DOCK5: variants seen among roughly 807,000 people sequenced by gnomAD.
DOCK5 encodes dedicator of cytokinesis 5, also known as dedicator of cytokinesis protein 5.
A neutral mutation model predicts 251.8 loss-of-function variants in DOCK5; 142 were observed. That is an observed-to-expected ratio of 0.56 (90% CI 0.49 to 0.65). The LOEUF is 0.65. Among genes scored for constraint, DOCK5 ranks in the 30% least tolerant of loss-of-function variants. The pLI is 0.00. For synonymous variants in DOCK5, 842 were observed against 835.5 expected (o/e 1.01, Z -0.13); for missense variants, 2,111 against 2,312.3 (o/e 0.91, Z 1.79).
chr8:25,299,697 A>G (rs548923749), intron 8 of DOCK5, among the ~76,000 whole-genome samples: 4 of 152,328 alleles, frequency 2.6e-5, no homozygotes, highest in African/African-American at 9.6e-5. Context: ...AAACTGCTCT[A>G]AGAAAATAAT....
chr8:25,279,832 C>G (rs1301432308), intron 5 of DOCK5, among the ~76,000 whole-genome samples: 2 of 151,178 alleles, frequency 1.3e-5, no homozygotes, highest in African/African-American at 4.9e-5. Flanking sequence ...ACCATGTTGG[C>G]CAGGCTGGTC....
intron 5 of DOCK5, among the ~76,000 whole-genome samples, chr8:25,287,393 T>C (rs1044472939): frequency 2.8e-4 from 43 of 152,154 alleles, no homozygotes; most frequent in African/African-American, 1.0e-3. Flanking sequence ...ACTACTGCAC[T>C]CCAGCTTGGG....
intron 1 of DOCK5, among the ~76,000 whole-genome samples, chr8:25,224,212 G>A (rs1409875284): frequency 1.3e-5 from 2 of 152,038 alleles, no homozygotes; most frequent in South Asian, 2.1e-4. Context: ...TCCGCCTCCC[G>A]AGTTCAAGTG....
chr8:25,345,114 A>G lies in DOCK5; in HGVS notation c.2618-361A>G, dbSNP rs188760300. On this transcript the variant is annotated intron_variant, in intron 25 of 51. Transcript: ENST00000276440. ...TAGGTGAAAAAATTTTTGAAAAAAA[A>G]AATGTATAACTTGCTTGGTTTTATT... is the stretch of plus-strand genomic sequence containing the variant. 1.5e-3 allele frequency among the ~76,000 whole-genome samples: 227 copies of G among 152,276 alleles called. 1 individual carries two copies. The highest frequency in any genetic ancestry group is 6.8e-3 in the Middle Eastern group (2 of 294).
At chr8:25,215,490 G>C (rs1166250613) in intron 1 of DOCK5, among the ~76,000 whole-genome samples, 1 of 152,050 alleles carries the variant, frequency 6.6e-6, no homozygotes, top group Non-Finnish European at 1.5e-5. Flanking sequence ...GGCCGAGTAA[G>C]GTCACTGGTG....
At chr8:25,358,537 A>C (rs1200151321) in intron 27 of DOCK5, among the ~76,000 whole-genome samples, 1 of 152,142 alleles carries the variant, frequency 6.6e-6, no homozygotes, top group African/African-American at 2.4e-5. Context: ...CCTCTCCTTC[A>C]TGCTCAGTGT....
chr8:25,253,772 A>G (rs78952246), intron 2 of DOCK5, among the ~76,000 whole-genome samples: 3,428 of 152,356 alleles, frequency 0.022, 153 homozygotes, highest in African/African-American at 0.078. Flanking sequence ...AATGGAAGCT[A>G]TCCCATGTTC....
At chr8:25,228,343 A>G (rs1055111895) in intron 1 of DOCK5, among the ~76,000 whole-genome samples, 3 of 152,182 alleles carry the variant, frequency 2.0e-5, no homozygotes, top group Admixed American at 6.5e-5. Flanking sequence ...TGTGTCCCCA[A>G]ATTGGGGCTT....
chr8:25,408,215 C>T, intron 49 of DOCK5, 61 bp downstream of exon 49: 1 of 1,480,168 alleles, frequency 6.8e-7, no homozygotes. Context: ...CCCCTGTACC[C>T]AGGCATATCA....
At chr8:25,376,002 G>A (rs1800956269) in intron 37 of DOCK5, 1 of 832,588 alleles carries the variant, frequency 1.2e-6, no homozygotes, top group Non-Finnish European at 1.4e-6. Context: ...GGAGGCTGAG[G>A]CAGGAGAATC....
intron 23 of DOCK5, among the ~76,000 whole-genome samples, chr8:25,341,443 C>A (rs1206841842): frequency 2.6e-5 from 4 of 152,032 alleles, no homozygotes; most frequent in Non-Finnish European, 5.9e-5. Context: ...TCTTTATGGC[C>A]ATGTTGCAAG....
chr8:25,332,822 T>G lies in DOCK5; in HGVS notation c.2091+130T>G, dbSNP rs1805713525. On this transcript the variant is annotated intron_variant, in intron 20 of 51. Transcript: ENST00000276440. ...TGTTTACATCTCTCTGGTTATTGTT[T>G]TAGGCTGAATTCCTAGAAGTACTAT... The G allele has an allele frequency of 5.9e-6, 4 of 676,176 alleles. No individual in the cohort carries two copies. The South Asian group carries it at 1.1e-4, about 18-fold the overall frequency. The allele number at this position is 676,176 out of a possible 1,614,324, so 41.9% of individuals were successfully genotyped here.
intron 1 of DOCK5, among the ~76,000 whole-genome samples, chr8:25,222,248 A>G (rs1331308638): frequency 6.6e-6 from 1 of 152,232 alleles, no homozygotes; most frequent in Non-Finnish European, 1.5e-5. Flanking sequence ...CTTTCTTTGA[A>G]TAATTCCAGT....
chr8:25,304,867 C>G (rs182091332), intron 11 of DOCK5: 52 of 152,648 alleles, frequency 3.4e-4, no homozygotes, highest in African/African-American at 1.2e-3. Flanking sequence ...CACCCATGGG[C>G]CAGTGTTCCT....
At chr8:25,387,616 A>G (rs1043359947) in intron 40 of DOCK5, among the ~76,000 whole-genome samples, 2 of 152,160 alleles carry the variant, frequency 1.3e-5, no homozygotes, top group Non-Finnish European at 2.9e-5. Context: ...TGCCTTCCAG[A>G]ACCTCCAGTG....
At chr8:25,273,067 G>A (rs11280660) in intron 3 of DOCK5, among the ~76,000 whole-genome samples, 3,944 of 105,536 alleles carry the variant, frequency 0.037, 80 homozygotes, top group South Asian at 0.083. Flanking sequence ...ATCATTTGCC[G>A]TGGCGCAGTG....
rs777436666 is a variant in DOCK5, at chr8:25,243,754, G to A, written c.124G>A (p.Glu42Lys). Reference protein sequence around the residue: ...GDTVHILEMYEGWYRGYTLQN... With the variant: ...GDTVHILEMYKGWYRGYTLQN... ...CACAGTTCACATCCTGGAGATGTAC[G>A]AGGGTAAGTCTGGCTGGCCTTCTGC... Residue 42 changes from glutamate to lysine, a missense_variant, in exon 2 of 52, where the codon GAG (glutamate) becomes AAG (lysine). Glu to Lys is a moderately conservative substitution (Grantham distance 56, BLOSUM62 1). This residue lies in a region of DOCK5 where 335 missense variants were observed against 324.9 expected (regional missense o/e 1.03). Transcript: ENST00000276440. 6 of 1,613,384 alleles carry A rather than the reference G, an allele frequency of 3.7e-6. No individual in the cohort carries two copies. The highest frequency in any genetic ancestry group is 3.3e-5 in the Admixed American group (2 of 59,976).
chr8:25,230,519 G>T (rs184806665), intron 1 of DOCK5, among the ~76,000 whole-genome samples: 221 of 152,168 alleles, frequency 1.5e-3, no homozygotes, highest in Non-Finnish European at 2.4e-3. Flanking sequence ...TGTCTAACTG[G>T]TTTTTGTTGT....
chr8:25,336,472 A>T, intron 22 of DOCK5, 99 bp downstream of exon 22: 1 of 1,434,814 alleles, frequency 7.0e-7, no homozygotes, highest in Non-Finnish European at 9.5e-7. Context: ...GTGAGCAGTT[A>T]GTTCTTAGAA....
Sources: allele counts gnomAD v4.1 joint callset (sites outside exome capture counted in the v4.1 genomes callset), GRCh38; gene constraint gnomAD v4.1.1; regional missense constraint gnomAD v4.1.1; transcripts MANE v1.5; gene names NCBI Gene and HGNC (gene_info 2026-07-23, HGNC 2026-07-21).